Variants in SLC14A2 observed in about 807,000 individuals in gnomAD.
SLC14A2 encodes the protein solute carrier family 14 member 2.
Under a neutral mutation model 104.6 loss-of-function variants are expected in SLC14A2, and 91 were observed. The observed-to-expected ratio is 0.87, with a 90% CI of 0.73 to 1.04. The LOEUF (loss-of-function observed/expected upper bound fraction) is 1.04, where lower values mean the gene tolerates loss of function less well. SLC14A2 is among the 50% of genes least tolerant of loss of function. The pLI, the probability that SLC14A2 is intolerant of heterozygous loss-of-function variation, is 0.00. For missense variants in SLC14A2, 1,189 were observed against 1,156.0 expected, an observed-to-expected ratio of 1.03 and a Z score of -0.41; for synonymous variants, 476 against 466.4, an observed-to-expected ratio of 1.02 and a Z score of -0.27.
the SLC14A2 span, among the ~76,000 whole-genome samples, chr18:45,172,495 T>A: frequency 6.6e-6 from 1 of 152,164 alleles, no homozygotes; most frequent in Non-Finnish European, 1.5e-5. Context: ...TTATCTACCT[T>A]GTTTATATGT....
chr18:45,560,254 T>G (rs1715724344), intron 2 of SLC14A2, among the ~76,000 whole-genome samples: 1 of 152,168 alleles, frequency 6.6e-6, no homozygotes, highest in South Asian at 2.1e-4. Flanking sequence ...TATTATCTCT[T>G]TTCTAAAAAT....
At chr18:45,283,171 C>T (rs1006670631) in intron 1 of SLC14A2, among the ~76,000 whole-genome samples, 2 of 151,982 alleles carry the variant, frequency 1.3e-5, no homozygotes, top group African/African-American at 4.8e-5. Flanking sequence ...AATACCCGCT[C>T]TAAGGAAAAT....
chr18:45,591,230 T>C (rs2044642701), intron 2 of SLC14A2, among the ~76,000 whole-genome samples: 1 of 152,236 alleles, frequency 6.6e-6, no homozygotes, highest in Non-Finnish European at 1.5e-5. Flanking sequence ...TCTAAGCCAA[T>C]GCTTCTCCAA....
upstream of SLC14A2, among the ~76,000 whole-genome samples, chr18:45,211,364 G>C (rs913798526): frequency 6.6e-6 from 1 of 152,096 alleles, no homozygotes; most frequent in Non-Finnish European, 1.5e-5. Context: ...ACCAATCTTA[G>C]ACCAAACAGA....
chr18:45,345,377 C>T (rs2085437747), intron 1 of SLC14A2, among the ~76,000 whole-genome samples: 1 of 152,180 alleles, frequency 6.6e-6, no homozygotes, highest in South Asian at 2.1e-4. Context: ...AAGGCAGAGT[C>T]CCTTTCCTCT....
At chr18:45,182,018 G>A in the SLC14A2 span, among the ~76,000 whole-genome samples, 5 of 151,970 alleles carry the variant, frequency 3.3e-5, no homozygotes, top group Admixed American at 3.3e-4. Flanking sequence ...ATGATTTATG[G>A]CCAAAAGAGA....
intron 1 of SLC14A2, among the ~76,000 whole-genome samples, chr18:45,355,938 G>T (rs1205264550): frequency 1.3e-5 from 2 of 152,186 alleles, no homozygotes; most frequent in Non-Finnish European, 2.9e-5. Flanking sequence ...GAGCTGGGGA[G>T]ACTAGAGGCA....
chr18:45,262,872 T>C (rs367947836), intron 1 of SLC14A2, among the ~76,000 whole-genome samples: 1 of 152,146 alleles, frequency 6.6e-6, no homozygotes, highest in East Asian at 1.9e-4. Flanking sequence ...GCTTTAAACT[T>C]TGTATTTTGA....
intron 2 of SLC14A2, among the ~76,000 whole-genome samples, chr18:45,499,287 A>G (rs1357898630): frequency 1.3e-5 from 2 of 152,264 alleles, no homozygotes; most frequent in East Asian, 1.9e-4. Flanking sequence ...AAAGGTCCCT[A>G]AATTAAGAAG....
intron 2 of SLC14A2, among the ~76,000 whole-genome samples, chr18:45,509,018 G>A (rs1233380877): frequency 6.6e-6 from 1 of 152,160 alleles, no homozygotes; most frequent in Non-Finnish European, 1.5e-5. Context: ...AGGACCCATG[G>A]CCCCAAACTC....
rs796119412 is a variant in SLC14A2, at chr18:45,266,574, T to TA, written c.-125+53391dup. Among the ~76,000 whole-genome samples the TA allele has an allele frequency of 2.1e-3, 322 of 152,096 alleles. 1 individual carries two copies. In the Middle Eastern group the frequency reaches 0.027, roughly 13 times the overall value. On this transcript the variant is annotated intron_variant, in intron 1 of 20. Transcript: ENST00000586448. ...ATGGAAAATTCAACCTAAACTCCCT[T>TA]AAAAAAAATCAAGTTGTTGATACTT...
At chr18:45,572,824 G>A (rs1429847027) in intron 2 of SLC14A2, among the ~76,000 whole-genome samples, 1 of 152,162 alleles carries the variant, frequency 6.6e-6, no homozygotes, top group Non-Finnish European at 1.5e-5. Flanking sequence ...TTTCTCGATT[G>A]TGCAACCCAA....
chr18:45,227,251 T>C (rs947113562), intron 1 of SLC14A2, among the ~76,000 whole-genome samples: 2 of 152,174 alleles, frequency 1.3e-5, no homozygotes, highest in Non-Finnish European at 2.9e-5. Flanking sequence ...AATGGCTTTT[T>C]GCAACTACTT....
chr18:45,542,040 T>TTTTTG (rs2043893647), intron 2 of SLC14A2, among the ~76,000 whole-genome samples: 1 of 70,852 alleles, frequency 1.4e-5, no homozygotes, highest in African/African-American at 7.0e-5. Flanking sequence ...AGAGGGTTTT[T>TTTTTG]TTTTTTTTTT....
At chr18:45,360,164 A>G (rs1278024466) in intron 1 of SLC14A2, among the ~76,000 whole-genome samples, 1 of 152,168 alleles carries the variant, frequency 6.6e-6, no homozygotes, top group African/African-American at 2.4e-5. Context: ...GTCTTCATCA[A>G]CATATACTTC....
chr18:45,227,857 C>G (rs1210476098), intron 1 of SLC14A2, among the ~76,000 whole-genome samples: 1 of 152,084 alleles, frequency 6.6e-6, no homozygotes, highest in African/African-American at 2.4e-5. Context: ...TTGCTCCTTT[C>G]TTTAACAAGA....
At chr18:45,354,504 C>T (rs757589677) in intron 1 of SLC14A2, among the ~76,000 whole-genome samples, 17 of 152,274 alleles carry the variant, frequency 1.1e-4, no homozygotes, top group South Asian at 2.1e-4. Context: ...TGTTGACTTG[C>T]GGAGGCTCCC....
chr18:45,635,889 G>C (rs902748326), intron 5 of SLC14A2, among the ~76,000 whole-genome samples: 1 of 152,244 alleles, frequency 6.6e-6, no homozygotes, highest in African/African-American at 2.4e-5. Flanking sequence ...GAACTGGCCT[G>C]ATGAAGGAGC....
Position 45,682,552 on chromosome 18 carries a change from C to G in SLC14A2, c.*33C>G. 6.3e-7 allele frequency: 1 copy of G among 1,577,392 alleles called. No homozygotes were observed. Among genetic ancestry groups the G allele is most frequent in the Admixed American group, 1.7e-5 (1 of 59,996 alleles). On this transcript the variant is annotated 3_prime_UTR_variant, in exon 20 of 20. Coordinates refer to ENST00000255226, the MANE Select transcript of SLC14A2 (RefSeq NM_007163.4). The stretch of plus-strand genomic sequence containing the variant: ...TGTCTAAAACACATCAGTGTAAATT[C>G]AGGCTTCAGCACGCCGTCCAGATCC...
Sources: allele counts gnomAD v4.1 joint callset (sites outside exome capture counted in the v4.1 genomes callset), GRCh38; gene constraint gnomAD v4.1.1; transcripts MANE v1.5; gene names NCBI Gene and HGNC (gene_info 2026-07-23, HGNC 2026-07-21).